The following PRPF38A variants were observed in gnomAD, a reference collection of about 807,000 sequenced individuals.
PRPF38A encodes the protein pre-mRNA processing factor 38A, also known as pre-mRNA-splicing factor 38A.
Under a neutral mutation model 46.8 loss-of-function variants are expected in PRPF38A, and 11 were observed. The observed-to-expected ratio is 0.24, with a 90% CI of 0.15 to 0.39. The LOEUF (loss-of-function observed/expected upper bound fraction) is 0.39, where lower values mean the gene tolerates loss of function less well. Ranked by LOEUF, PRPF38A falls within the 10% of genes least tolerant of loss-of-function variation. The probability of loss-of-function intolerance (pLI) is 1.00; values close to 1 mark genes in which losing one functional copy is unlikely to be tolerated. For missense variants in PRPF38A, 261 were observed against 407.5 expected (o/e 0.64, Z 3.10); for synonymous variants, 124 against 136.2 (o/e 0.91, Z 0.62).
intron 8 of PRPF38A, 35 bp from the exon 9 acceptor site, chr1:52,415,303 G>C (rs1648257849): frequency 6.2e-7 from 1 of 1,604,362 alleles, no homozygotes. Flanking sequence ...AGAGTAGAAG[G>C]GTAGGATCTT....
At position 52,417,943 on chromosome 1, in the gene PRPF38A, T is replaced by TA. The variant is rs1248993393; in HGVS notation, c.*1254dup. The TA allele has an allele frequency of 6.6e-6, 1 of 152,600 alleles. No homozygotes were observed. Among genetic ancestry groups the TA allele is most frequent in the Non-Finnish European group, 1.5e-5 (1 of 68,042 alleles). 9.5% of individuals were successfully genotyped at this position (152,600 alleles called of 1,614,324 possible). A position where few individuals can be genotyped will look rare whatever the true frequency, so the allele number is the denominator to read the frequency against. On this transcript the variant is annotated 3_prime_UTR_variant, in exon 10 of 10. Coordinates refer to ENST00000257181, the MANE Select transcript of PRPF38A (RefSeq NM_032864.4). Reference sequence around the variant, plus strand: ...CCACGGACATCGATAATCAAGAGATTATTAAGATCTTTGCTAGAAGAGTTC... The same window carrying TA: ...CCACGGACATCGATAATCAAGAGATTAATTAAGATCTTTGCTAGAAGAGTTC...
rs901221594 is a variant in PRPF38A, at chr1:52,419,191, A to C, written c.*2501A>C. On this transcript the variant is annotated 3_prime_UTR_variant, in exon 10 of 10. Coordinates refer to ENST00000257181, the MANE Select transcript of PRPF38A (RefSeq NM_032864.4). Reference sequence around the variant, plus strand: ...GCCAACATGGAGAAACCCTGTCTCTACTAAAAAATACAAAATTAGCCGGGC... The same window carrying C: ...GCCAACATGGAGAAACCCTGTCTCTCCTAAAAAATACAAAATTAGCCGGGC... 3.9e-4 allele frequency: 59 copies of C among 152,386 alleles called. No homozygotes were observed. Among genetic ancestry groups the C allele is most frequent in the African/African-American group, 1.4e-3 (59 of 41,576 alleles). The allele number at this position is 152,386 out of a possible 1,614,324, so 9.4% of individuals were successfully genotyped here.
chr1:52,409,443 T>C (rs566182420), intron 3 of PRPF38A: 7 of 152,360 alleles, frequency 4.6e-5, no homozygotes, highest in Non-Finnish European at 8.8e-5. Context: ...AAACCCTATA[T>C]CTACTAAAAC....
intron 3 of PRPF38A, chr1:52,409,743 C>T: frequency 6.6e-6 from 1 of 152,264 alleles, no homozygotes; most frequent in East Asian, 1.9e-4. Flanking sequence ...TGGACATGGT[C>T]ATGGCCATGA....
intron 9 of PRPF38A, 123 bp downstream of exon 9, chr1:52,415,509 G>T: frequency 1.3e-6 from 1 of 771,142 alleles, no homozygotes; most frequent in South Asian, 1.7e-5. Context: ...GACAAAATTG[G>T]TCTATTGCTT....
chr1:52,420,118 G>A lies in PRPF38A; in HGVS notation c.*3428G>A, dbSNP rs1336230737. 1 of 152,202 alleles carries A rather than the reference G, an allele frequency of 6.6e-6. No homozygotes were observed. The allele number at this position is 152,202 out of a possible 1,614,324, so 9.4% of individuals were successfully genotyped here. A position where few individuals can be genotyped will look rare whatever the true frequency, so the allele number is the denominator to read the frequency against. ...AGGCAATGAAGCAAAAGGCTCCAAA[G>A]GTTTGAGAAAAAGTGCCAGGAATTT... On this transcript the variant is annotated 3_prime_UTR_variant, in exon 10 of 10. Transcript: ENST00000257181.
At chr1:52,409,758 GTTAT>G (rs939284687) in intron 3 of PRPF38A, among the ~76,000 whole-genome samples, 7 of 152,148 alleles carry the variant, frequency 4.6e-5, no homozygotes, top group African/African-American at 9.7e-5. Flanking sequence ...CCATGATGGA[GTTAT>G]TTATTTATTA....
At position 52,416,959 on chromosome 1, in the gene PRPF38A, G is replaced by A. The variant is rs1034837454; in HGVS notation, c.*269G>A. 2.4e-5 allele frequency: 10 copies of A among 421,384 alleles called. No homozygotes were observed. Among genetic ancestry groups the A allele is most frequent in the African/African-American group, 1.6e-4 (8 of 49,934 alleles). 26.1% of individuals were successfully genotyped at this position (421,384 alleles called of 1,614,324 possible). ...GGAGGTTGGGGATATGACTGACAAG[G>A]AAAGGCTGTGGCCACCTGATGACCC... On this transcript the variant is annotated 3_prime_UTR_variant, in exon 10 of 10. Transcript: ENST00000257181.
At chr1:52,408,194 C>T (rs1049776074) in intron 2 of PRPF38A, 15 of 352,470 alleles carry the variant, frequency 4.3e-5, no homozygotes, top group African/African-American at 2.6e-4. Flanking sequence ...GAGCCAAGAT[C>T]GTGCCACTGC....
At chr1:52,408,846 T>C (rs1183822610) in intron 3 of PRPF38A, 156 bp downstream of exon 3, 12 of 880,124 alleles carry the variant, frequency 1.4e-5, no homozygotes, top group Middle Eastern at 3.3e-4. Context: ...CTCATGGGAG[T>C]TTTCAGTCTG....
In PRPF38A at chr1:52,416,898, T is replaced by G; in HGVS notation, c.*208T>G. ...CATCAGTTTTTGACCCAACTAACCTTGACTGTATTCAAACTTATGAGAGTA... is the reference window on the plus strand; with the variant it reads ...CATCAGTTTTTGACCCAACTAACCTGGACTGTATTCAAACTTATGAGAGTA... On this transcript the variant is annotated 3_prime_UTR_variant, in exon 10 of 10. Coordinates refer to ENST00000257181, the MANE Select transcript of PRPF38A (RefSeq NM_032864.4). The G allele has an allele frequency of 5.2e-6, 3 of 572,510 alleles. No individual in the cohort carries two copies. The highest frequency in any genetic ancestry group is 9.5e-6 in the Non-Finnish European group (3 of 316,810). The allele number at this position is 572,510 out of a possible 1,614,324, so 35.5% of individuals were successfully genotyped here.
At chr1:52,416,505 C>T in intron 9 of PRPF38A, 143 bp from the exon 10 acceptor site, 1 of 581,146 alleles carries the variant, frequency 1.7e-6, no homozygotes, top group Admixed American at 3.0e-5. Context: ...GACAGGGTTT[C>T]ACCATGTTGG....
intron 3 of PRPF38A, among the ~76,000 whole-genome samples, chr1:52,410,472 T>TAC (rs953858425): frequency 2.0e-5 from 3 of 150,634 alleles, no homozygotes; most frequent in African/African-American, 7.3e-5. Flanking sequence ...TATATATATA[T>TAC]ATACACACAC....
intron 4 of PRPF38A, 98 bp from the exon 5 acceptor site, chr1:52,412,416 C>A: frequency 1.4e-6 from 1 of 724,072 alleles, no homozygotes; most frequent in South Asian, 1.9e-5. Context: ...ATGAAATTGC[C>A]TCAGCTGTTG....
chr1:52,420,787 A>G lies in PRPF38A; in HGVS notation c.*4097A>G, dbSNP rs1038959459. On this transcript the variant is annotated 3_prime_UTR_variant, in exon 10 of 10. Coordinates refer to ENST00000257181, the MANE Select transcript of PRPF38A (RefSeq NM_032864.4). ...TTTTTAAACTTTGTACTTTTATATA[A>G]TGCTTATTTTCTTTTTACAATAAAC... 1.3e-5 allele frequency: 2 copies of G among 152,188 alleles called. No homozygotes were observed. Among genetic ancestry groups the G allele is most frequent in the Non-Finnish European group, 2.9e-5 (2 of 68,014 alleles). 9.4% of individuals were successfully genotyped at this position (152,188 alleles called of 1,614,324 possible). A position where few individuals can be genotyped will look rare whatever the true frequency, so the allele number is the denominator to read the frequency against.
intron 8 of PRPF38A, 21 bp downstream of exon 8, chr1:52,414,880 G>C: frequency 6.2e-7 from 1 of 1,610,836 alleles, no homozygotes; most frequent in Non-Finnish European, 8.5e-7. Flanking sequence ...TGGGCCTTTT[G>C]CCACAGGTTG....
chr1:52,409,656 A>C (rs956620549), intron 3 of PRPF38A: 1 of 152,200 alleles, frequency 6.6e-6, no homozygotes, highest in Non-Finnish European at 1.5e-5. Flanking sequence ...TGATTCATTC[A>C]TTGAATAAAT....
Position 52,418,254 on chromosome 1 carries a change from C to A in PRPF38A, c.*1564C>A, listed in dbSNP as rs143562537. 6.6e-6 allele frequency: 1 copy of A among 152,408 alleles called. No individual in the cohort carries two copies. Among genetic ancestry groups the A allele is most frequent in the African/African-American group, 2.4e-5 (1 of 41,410 alleles). The allele number at this position is 152,408 out of a possible 1,614,324, so 9.4% of individuals were successfully genotyped here. A position where few individuals can be genotyped will look rare whatever the true frequency, so the allele number is the denominator to read the frequency against. The stretch of plus-strand genomic sequence containing the variant: ...TAAAAGTGGTCTGAAAGAGCTCTTA[C>A]GGTTTCTGATAGAACTATATAGGAC... On this transcript the variant is annotated 3_prime_UTR_variant, in exon 10 of 10. Coordinates refer to ENST00000257181, the MANE Select transcript of PRPF38A (RefSeq NM_032864.4).
chr1:52,408,636 T>C lies in PRPF38A; in HGVS notation c.358T>C (p.Leu120=), dbSNP rs781075627. 1.1e-5 allele frequency: 17 copies of C among 1,614,106 alleles called. No homozygotes were observed. The highest frequency in any genetic ancestry group is 2.2e-5 in the East Asian group (1 of 44,900). The part of the protein sequence containing the change: ...TGTAIDCYKY[L]EPLYNDYRKI... ...CACTGCAATTGATTGCTACAAGTAC[T>C]TGGAACCTTTGTACAATGACTATCG... The change falls in exon 3 of 10, where the codon TTG becomes CTG. Residue 120 remains leucine (L), a synonymous_variant. Transcript: ENST00000257181.
Sources: gnomAD v4.1 joint callset for allele counts (sites outside exome capture counted in the v4.1 genomes callset) on GRCh38, gnomAD v4.1.1 for gene constraint, MANE v1.5 for transcripts, NCBI Gene and HGNC (gene_info 2026-07-23, HGNC 2026-07-21) for gene names.